The following ACVR1 variants were observed in gnomAD, a reference collection of about 807,000 sequenced individuals.
ACVR1 encodes the protein activin A receptor type 1.
A neutral mutation model predicts 57.1 loss-of-function variants in ACVR1; 38 were observed. The observed-to-expected ratio is 0.67, with a 90% CI of 0.51 to 0.87. The LOEUF is 0.87. Among genes scored for constraint, ACVR1 ranks in the 40% least tolerant of loss-of-function variants. The probability of loss-of-function intolerance (pLI) is 0.00; values close to 1 mark genes in which losing one functional copy is unlikely to be tolerated. For synonymous variants in ACVR1, 212 were observed against 228.1 expected, an observed-to-expected ratio of 0.93 and a Z score of 0.63; for missense variants, 463 against 638.2, an observed-to-expected ratio of 0.73 and a Z score of 2.96.
At chr2:157,792,240 T>C (rs1445154239) in intron 3 of ACVR1, among the ~76,000 whole-genome samples, 1 of 152,020 alleles carries the variant, frequency 6.6e-6, no homozygotes, top group Non-Finnish European at 1.5e-5. Context: ...CCACATCCCA[T>C]ATACATATTC....
chr2:157,787,249 T>C (rs909546581), intron 3 of ACVR1, among the ~76,000 whole-genome samples: 3 of 152,182 alleles, frequency 2.0e-5, no homozygotes, highest in African/African-American at 7.2e-5. Flanking sequence ...TATGATTCTC[T>C]GAATGTTGCA....
intron 1 of ACVR1, among the ~76,000 whole-genome samples, chr2:157,833,901 T>C (rs1005498499): frequency 8.8e-4 from 134 of 152,282 alleles, no homozygotes; most frequent in African/African-American, 3.2e-3. Flanking sequence ...AGCACTTTTG[T>C]TGGTTCTGCC....
At chr2:157,792,970 T>C (rs1686976179) in intron 3 of ACVR1, among the ~76,000 whole-genome samples, 1 of 152,212 alleles carries the variant, frequency 6.6e-6, no homozygotes, top group Non-Finnish European at 1.5e-5. Context: ...TTGCCTGAGT[T>C]CATCCCGGGC....
At chr2:157,870,611 G>C (rs1275925065) in intron 1 of ACVR1, among the ~76,000 whole-genome samples, 2 of 152,148 alleles carry the variant, frequency 1.3e-5, no homozygotes. Context: ...AAAAAGTCAA[G>C]AGTAAAGTAA....
chr2:157,776,376 C>T (rs1214443058), intron 5 of ACVR1, among the ~76,000 whole-genome samples: 1 of 152,204 alleles, frequency 6.6e-6, no homozygotes, highest in Non-Finnish European at 1.5e-5. Context: ...AAAGCTTTGT[C>T]AGGATTCATC....
chr2:157,875,566 C>G (rs1690259890), intron 1 of ACVR1: 2 of 152,220 alleles, frequency 1.3e-5, no homozygotes, highest in Admixed American at 6.6e-5. Context: ...TCTGCCCCCC[C>G]ACCCCCCATA....
At chr2:157,819,749 G>A (rs1001718942) in intron 1 of ACVR1, among the ~76,000 whole-genome samples, 3 of 117,772 alleles carry the variant, frequency 2.5e-5, no homozygotes, top group African/African-American at 2.5e-4. Flanking sequence ...AGGAGGGGAG[G>A]CTCTAGATAA....
chr2:157,837,911 G>A (rs1452778905), intron 1 of ACVR1, among the ~76,000 whole-genome samples: 4 of 152,226 alleles, frequency 2.6e-5, no homozygotes, highest in Non-Finnish European at 5.9e-5. Context: ...TGCAGCTGTT[G>A]TCTCCTGCAG....
chr2:157,755,059 TC>T (rs1358833779), intron 9 of ACVR1, among the ~76,000 whole-genome samples: 1 of 152,062 alleles, frequency 6.6e-6, no homozygotes, highest in Non-Finnish European at 1.5e-5. Flanking sequence ...AAATCCAGCA[TC>T]CCTTTATGAT....
chr2:157,821,543 AAAAAT>A (rs542566673), intron 1 of ACVR1, among the ~76,000 whole-genome samples: 207 of 152,246 alleles, frequency 1.4e-3, no homozygotes, highest in African/African-American at 4.7e-3. Context: ...TAAAAAATAA[AAAAAT>A]AAAATAAAAA....
intron 2 of ACVR1, among the ~76,000 whole-genome samples, chr2:157,808,923 G>T (rs997224494): frequency 6.7e-6 from 1 of 148,362 alleles, no homozygotes; most frequent in Non-Finnish European, 1.5e-5. Context: ...TTCTGAATTA[G>T]ATGTTATCTT....
At chr2:157,754,820 AG>A (rs1452683794) in intron 9 of ACVR1, among the ~76,000 whole-genome samples, 1 of 150,394 alleles carries the variant, frequency 6.6e-6, no homozygotes, top group African/African-American at 2.5e-5. Context: ...AGAAAAGTAC[AG>A]ACCAATATCC....
At chr2:157,866,991 C>A (rs558454246) in intron 1 of ACVR1, among the ~76,000 whole-genome samples, 2 of 152,316 alleles carry the variant, frequency 1.3e-5, no homozygotes, top group Middle Eastern at 3.4e-3. Flanking sequence ...AAGCCCCAAA[C>A]CCTATCTCCA....
chr2:157,824,554 T>C (rs1042414106), intron 1 of ACVR1, among the ~76,000 whole-genome samples: 1 of 152,150 alleles, frequency 6.6e-6, no homozygotes, highest in Non-Finnish European at 1.5e-5. Context: ...GAAAGACTAA[T>C]AGCCCAATAC....
At chr2:157,789,999 G>A (rs1346123007) in intron 3 of ACVR1, 1 of 152,246 alleles carries the variant, frequency 6.6e-6, no homozygotes, top group Non-Finnish European at 1.5e-5. Context: ...CGTAGCCAGT[G>A]TGGCCACCCA....
intron 1 of ACVR1, among the ~76,000 whole-genome samples, chr2:157,852,513 G>GA (rs1320006546): frequency 1.3e-4 from 17 of 130,512 alleles, no homozygotes; most frequent in African/African-American, 1.1e-4. Context: ...AAAAAAAAAA[G>GA]AAAAAAAAAA....
At position 157,804,653 on chromosome 2, in the gene ACVR1, T is replaced by C. The variant is rs1386352574; in HGVS notation, c.-7-5153A>G. Reference sequence around the variant, plus strand: ...CTATCCCTGGTAACTGATTTTAGTATGTCAGACACAAGAAAAATCGCTATT... The same window carrying C: ...CTATCCCTGGTAACTGATTTTAGTACGTCAGACACAAGAAAAATCGCTATT... On this transcript the variant is annotated intron_variant, in intron 2 of 10. Transcript: ENST00000434821. 3.9e-5 allele frequency among the ~76,000 whole-genome samples: 6 copies of C among 152,342 alleles called. No individual in the cohort carries two copies. The East Asian group carries it at 1.2e-3, about 29-fold the overall frequency.
At position 157,873,645 on chromosome 2, in the gene ACVR1, C is replaced by G. The variant is rs568938302; in HGVS notation, c.-183+2151G>C. Among the ~76,000 whole-genome samples the G allele has an allele frequency of 7.2e-5, 11 of 152,296 alleles. 1 individual carries two copies. Among genetic ancestry groups the G allele is most frequent in the South Asian group, 4.1e-4 (2 of 4,820 alleles). ...TCAAATCCATTTCTGTCCTGTCCCC[C>G]CTCCCTCAGAAGACTGGACTACTCA... On this transcript the variant is annotated intron_variant, in intron 1 of 10. Transcript: ENST00000434821.
At chr2:157,873,584 T>C (rs1473812368) in intron 1 of ACVR1, among the ~76,000 whole-genome samples, 1 of 152,192 alleles carries the variant, frequency 6.6e-6, no homozygotes, top group African/African-American at 2.4e-5. Flanking sequence ...ATTGATTCCA[T>C]CTTCACCTCA....
Sources: allele counts gnomAD v4.1 joint callset (sites outside exome capture counted in the v4.1 genomes callset), GRCh38; gene constraint gnomAD v4.1.1; transcripts MANE v1.5; gene names NCBI Gene and HGNC (gene_info 2026-07-23, HGNC 2026-07-21).